Variants in C8orf34 observed in about 807,000 individuals in gnomAD.
C8orf34 encodes chromosome 8 open reading frame 34.
Under a neutral mutation model 68.3 loss-of-function variants are expected in C8orf34, and 65 were observed. That is an observed-to-expected ratio of 0.95 (90% CI 0.78 to 1.17). The LOEUF (loss-of-function observed/expected upper bound fraction) is 1.17. Ranked by LOEUF, C8orf34 falls within the 50% of genes most tolerant of loss-of-function variation. The pLI is 0.00. For missense variants in C8orf34, 664 were observed against 655.4 expected (o/e 1.01, Z -0.14); for synonymous variants, 244 against 241.2 (o/e 1.01, Z -0.11).
chr8:68,513,962 A>C (rs998093728), intron 5 of C8orf34, among the ~76,000 whole-genome samples: 1 of 152,224 alleles, frequency 6.6e-6, no homozygotes, highest in Non-Finnish European at 1.5e-5. Context: ...TAGAAGCAAC[A>C]GGAAGAGATT....
chr8:68,446,409 A>G lies in C8orf34; in HGVS notation c.556A>G (p.Ser186Gly). The G allele has an allele frequency of 6.2e-7, 1 of 1,613,256 alleles. No individual in the cohort carries two copies. Among genetic ancestry groups the G allele is most frequent in the Non-Finnish European group, 8.5e-7 (1 of 1,179,638 alleles). The change falls in exon 3 of 14, where the codon AGT becomes GGT. Residue 186 changes from serine (S) to glycine (G), a missense_variant. Physicochemically the swap from Ser to Gly is moderately conservative, Grantham distance 56. Transcript: ENST00000518698. The stretch of plus-strand genomic sequence containing the variant: ...TGCAAAGAAGCCTAAAAAATCAAAA[A>G]GTGACCTTGCTGTGTCTAATATTTC... ...LNAKKPKKSK[S>G]DLAVSNISPP...
rs533585210 is a variant in C8orf34, at chr8:68,776,443, G to A, written c.1449G>A (p.Met483Ile). ...TAGGACACTCACTGAAAAACTACAT[G>A]GAAGAAGTGAGTTTTAAGGTTGCTT... The part of the protein sequence containing the change: ...SGVGHSLKNY[M>I]EEDESLKQLQ... The change falls in exon 11 of 14, where the codon ATG (methionine) becomes ATA (isoleucine). Residue 483 changes from methionine (M) to isoleucine (I), a missense_variant. Transcript: ENST00000518698. 1 of 1,612,138 alleles carries A rather than the reference G, an allele frequency of 6.2e-7. No individual in the cohort carries two copies. Among genetic ancestry groups the A allele is most frequent in the Admixed American group, 1.7e-5 (1 of 59,940 alleles).
At chr8:68,441,971 G>C (rs920585219) in intron 2 of C8orf34, among the ~76,000 whole-genome samples, 15 of 152,186 alleles carry the variant, frequency 9.9e-5, no homozygotes, top group African/African-American at 3.4e-4. Context: ...TATTGGATGT[G>C]AGTCTAAAGC....
intron 7 of C8orf34, among the ~76,000 whole-genome samples, chr8:68,587,935 G>C (rs564201120): frequency 6.6e-6 from 1 of 152,130 alleles, no homozygotes; most frequent in Non-Finnish European, 1.5e-5. Flanking sequence ...TGTATGTACA[G>C]ATCAAAGGAT....
At chr8:68,447,350 G>A (rs780586044) in intron 3 of C8orf34, 6 of 152,166 alleles carry the variant, frequency 3.9e-5, no homozygotes, top group Non-Finnish European at 8.8e-5. Context: ...ATTTGGAGAG[G>A]ACAAATATCC....
chr8:68,755,127 C>T (rs1047754307), intron 10 of C8orf34, among the ~76,000 whole-genome samples: 1 of 152,078 alleles, frequency 6.6e-6, no homozygotes, highest in African/African-American at 2.4e-5. Context: ...TTCTTCCTTT[C>T]GACTTGCAGT....
chr8:68,692,715 C>T (rs1014061015), intron 8 of C8orf34, among the ~76,000 whole-genome samples: 5 of 152,046 alleles, frequency 3.3e-5, no homozygotes, highest in Admixed American at 1.3e-4. Flanking sequence ...TTTGTTCTCT[C>T]TAGTAGAAGG....
At chr8:68,483,357 A>T (rs1195514142) in intron 4 of C8orf34, among the ~76,000 whole-genome samples, 1 of 152,246 alleles carries the variant, frequency 6.6e-6, no homozygotes, top group African/African-American at 2.4e-5. Flanking sequence ...AGTTGAATTT[A>T]GAAAGAAACA....
chr8:68,653,799 G>A (rs1440818942), intron 8 of C8orf34, among the ~76,000 whole-genome samples: 1 of 152,028 alleles, frequency 6.6e-6, no homozygotes, highest in Admixed American at 6.6e-5. Context: ...ATGAATTCAG[G>A]GGAGACACAC....
chr8:68,742,212 G>A (rs939176301), intron 10 of C8orf34, among the ~76,000 whole-genome samples: 17 of 151,972 alleles, frequency 1.1e-4, no homozygotes, highest in African/African-American at 2.7e-4. Flanking sequence ...TGCCTTATCC[G>A]GCCAGTCCCT....
intron 3 of C8orf34, among the ~76,000 whole-genome samples, chr8:68,448,692 G>A (rs906189335): frequency 1.6e-4 from 25 of 152,034 alleles, no homozygotes; most frequent in Admixed American, 3.9e-4. Context: ...AAGTACAGAC[G>A]TGCCCACAAT....
chr8:68,460,557 T>A (rs1811765530), intron 3 of C8orf34, among the ~76,000 whole-genome samples: 1 of 152,162 alleles, frequency 6.6e-6, no homozygotes, highest in Admixed American at 6.5e-5. Flanking sequence ...AGCGGCAGAC[T>A]GACACCTCAC....
At position 68,782,977 on chromosome 8, in the gene C8orf34, G is replaced by C. The variant is rs116580422; in HGVS notation, c.1456-4466G>C. On this transcript the variant is annotated intron_variant, in intron 11 of 13. Coordinates refer to ENST00000518698, the MANE Select transcript of C8orf34 (RefSeq NM_052958.4). ...GTTCCAGCTACTCCTGAGGCTGAGA[G>C]GGGAGAATGGCTTGAGTTCAGGAGG... Among the ~76,000 whole-genome samples the C allele has an allele frequency of 4.0e-3, 611 of 151,876 alleles. 5 individuals carry two copies. The highest frequency in any genetic ancestry group is 0.014 in the African/African-American group (579 of 41,414).
intron 11 of C8orf34, 115 bp downstream of exon 11, chr8:68,776,564 A>T (rs1290125593): frequency 2.6e-6 from 2 of 755,352 alleles, no homozygotes; most frequent in Admixed American, 2.6e-5. Flanking sequence ...TATGTGTTCA[A>T]TGGTCATGTC....
chr8:68,809,706 T>C (rs1771988162), intron 12 of C8orf34, among the ~76,000 whole-genome samples: 1 of 152,184 alleles, frequency 6.6e-6, no homozygotes, highest in South Asian at 2.1e-4. Context: ...ACCTCCTTTT[T>C]CCTCCACTTC....
chr8:68,604,615 A>G (rs1166221722), intron 7 of C8orf34, among the ~76,000 whole-genome samples: 1 of 152,142 alleles, frequency 6.6e-6, no homozygotes, highest in Non-Finnish European at 1.5e-5. Context: ...ATAGTATGAC[A>G]TAGTTTCACC....
At chr8:68,714,076 G>C (rs1357963731) in intron 9 of C8orf34, among the ~76,000 whole-genome samples, 1 of 152,098 alleles carries the variant, frequency 6.6e-6, no homozygotes, top group Non-Finnish European at 1.5e-5. Context: ...AAAAGCATCT[G>C]ACAAAATCCA....
At chr8:68,633,399 G>A (rs1046937682) in intron 7 of C8orf34, among the ~76,000 whole-genome samples, 9 of 152,082 alleles carry the variant, frequency 5.9e-5, no homozygotes, top group Non-Finnish European at 8.8e-5. Context: ...TTTCTTCTGG[G>A]ATGGGGTTGA....
At chr8:68,692,052 G>A (rs1052537747) in intron 8 of C8orf34, among the ~76,000 whole-genome samples, 3 of 151,952 alleles carry the variant, frequency 2.0e-5, no homozygotes, top group African/African-American at 7.2e-5. Context: ...AGCAAAAAAG[G>A]CAAGAAACAC....
Sources: gnomAD v4.1 joint callset for allele counts (sites outside exome capture counted in the v4.1 genomes callset) on GRCh38, gnomAD v4.1.1 for gene constraint, MANE v1.5 for transcripts, NCBI Gene and HGNC (gene_info 2026-07-23, HGNC 2026-07-21) for gene names.